THSD7A: variants seen among roughly 807,000 people sequenced by gnomAD.
THSD7A encodes the protein thrombospondin type 1 domain containing 7A.
In THSD7A, 96 loss-of-function variants were observed where a neutral mutation model predicts 231.3. The observed-to-expected ratio is 0.41, with a 90% CI of 0.35 to 0.49. The LOEUF (loss-of-function observed/expected upper bound fraction) is 0.49, where lower values mean the gene tolerates loss of function less well. THSD7A is among the 20% of genes least tolerant of loss of function. THSD7A has a pLI of 0.05. For synonymous variants in THSD7A, 940 were observed against 743.3 expected (o/e 1.26, Z -4.30); for missense variants, 2,290 against 2,070.2 (o/e 1.11, Z -2.06).
At chr7:11,521,121 TGTACTACACA>T (rs1443693824) in intron 6 of THSD7A, among the ~76,000 whole-genome samples, 1 of 152,194 alleles carries the variant, frequency 6.6e-6, no homozygotes, top group African/African-American at 2.4e-5. Context: ...TGATCATAAA[TGTACTACACA>T]GACATTTCAT....
At chr7:11,499,508 G>A (rs551799930) in intron 6 of THSD7A, among the ~76,000 whole-genome samples, 4 of 152,218 alleles carry the variant, frequency 2.6e-5, no homozygotes, top group African/African-American at 7.2e-5. Flanking sequence ...TTCATAATAC[G>A]GATAGGAACA....
At position 11,373,046 on chromosome 7, in the gene THSD7A, C is replaced by T. The variant is rs919772754; in HGVS notation, c.*2748G>A. 3.4e-5 allele frequency: 5 copies of T among 145,360 alleles called. No individual in the cohort carries two copies. Among genetic ancestry groups the T allele is most frequent in the African/African-American group, 1.3e-4 (5 of 38,546 alleles). The allele number at this position is 145,360 out of a possible 1,614,324, so 9.0% of individuals were successfully genotyped here. On this transcript the variant is annotated 3_prime_UTR_variant, in exon 28 of 28. Coordinates refer to ENST00000423059, the MANE Select transcript of THSD7A (RefSeq NM_015204.3). ...TCATGTTGAACCTAATTTCCTCTCTCTCATATATATGGGTGTGTGTGTGTG... is the reference window on the plus strand; with the variant it reads ...TCATGTTGAACCTAATTTCCTCTCTTTCATATATATGGGTGTGTGTGTGTG...
chr7:11,414,467 A>G (rs1474480855), intron 17 of THSD7A, among the ~76,000 whole-genome samples: 1 of 152,150 alleles, frequency 6.6e-6, no homozygotes, highest in East Asian at 1.9e-4. Context: ...CAAATTAGTT[A>G]CTGTTCCCTT....
intron 1 of THSD7A, among the ~76,000 whole-genome samples, chr7:11,673,186 C>A (rs963553534): frequency 3.3e-5 from 5 of 152,042 alleles, no homozygotes; most frequent in African/African-American, 1.2e-4. Context: ...GGCCCCTGCA[C>A]CCAGATTGGA....
chr7:11,534,883 A>T (rs1788850741), intron 6 of THSD7A, among the ~76,000 whole-genome samples: 1 of 152,178 alleles, frequency 6.6e-6, no homozygotes, highest in South Asian at 2.1e-4. Context: ...GTGTCATGTG[A>T]CTGTTGCCCC....
intron 4 of THSD7A, among the ~76,000 whole-genome samples, chr7:11,556,302 T>C (rs1458262288): frequency 6.7e-6 from 1 of 150,078 alleles, no homozygotes; most frequent in Non-Finnish European, 1.5e-5. Flanking sequence ...TATATGTGTA[T>C]ATATGTACAT....
At chr7:11,407,934 T>A (rs1004057000) in intron 19 of THSD7A, among the ~76,000 whole-genome samples, 1 of 152,154 alleles carries the variant, frequency 6.6e-6, no homozygotes, top group African/African-American at 2.4e-5. Flanking sequence ...ATCAGCTATC[T>A]TTTAAAAAAA....
At chr7:11,678,594 T>C (rs1386983743) in intron 1 of THSD7A, among the ~76,000 whole-genome samples, 1 of 152,160 alleles carries the variant, frequency 6.6e-6, no homozygotes, top group Non-Finnish European at 1.5e-5. Context: ...TTAGAAAATC[T>C]AGAAGACATG....
At chr7:11,698,138 G>A (rs1445169194) in intron 1 of THSD7A, among the ~76,000 whole-genome samples, 2 of 151,344 alleles carry the variant, frequency 1.3e-5, no homozygotes, top group Non-Finnish European at 3.0e-5. Context: ...TTTGTTGAAT[G>A]TATGTATGTA....
intron 4 of THSD7A, among the ~76,000 whole-genome samples, chr7:11,566,001 T>C (rs1790301496): frequency 1.3e-5 from 2 of 152,184 alleles, no homozygotes; most frequent in South Asian, 4.2e-4. Flanking sequence ...CTGCTAATAT[T>C]CACCCCACTC....
chr7:11,382,752 G>C (rs761817471), intron 23 of THSD7A, 136 bp from the exon 24 acceptor site: 4 of 743,982 alleles, frequency 5.4e-6, no homozygotes, highest in Non-Finnish European at 8.9e-6. Context: ...TTATTGTCCT[G>C]AAGTTGCCAT....
intron 3 of THSD7A, among the ~76,000 whole-genome samples, chr7:11,591,830 C>T (rs1459781437): frequency 6.6e-6 from 1 of 152,076 alleles, no homozygotes; most frequent in Non-Finnish European, 1.5e-5. Flanking sequence ...GTTAAGGGAG[C>T]TGCAATAATT....
chr7:11,673,696 C>T (rs980335214), intron 1 of THSD7A, among the ~76,000 whole-genome samples: 1 of 152,168 alleles, frequency 6.6e-6, no homozygotes, highest in South Asian at 2.1e-4. Context: ...GAGCAGGATG[C>T]TCCTTCCTTC....
At chr7:11,586,274 A>G (rs1339600519) in intron 4 of THSD7A, among the ~76,000 whole-genome samples, 2 of 152,238 alleles carry the variant, frequency 1.3e-5, no homozygotes, top group African/African-American at 4.8e-5. Flanking sequence ...TGTGATTTAC[A>G]TCTACATAAT....
intron 9 of THSD7A, among the ~76,000 whole-genome samples, chr7:11,466,618 T>A (rs1277337915): frequency 6.6e-6 from 1 of 152,108 alleles, no homozygotes; most frequent in Non-Finnish European, 1.5e-5. Context: ...GGTTTAGGGT[T>A]TCTGAAAACC....
At chr7:11,383,384 A>C (rs899547858) in intron 23 of THSD7A, among the ~76,000 whole-genome samples, 2 of 152,036 alleles carry the variant, frequency 1.3e-5, no homozygotes, top group African/African-American at 2.4e-5. Context: ...ATTATTTTTA[A>C]TTTTGTTATT....
rs370125876 is a variant in THSD7A at position 11,407,021 on chromosome 7, G to C, written c.3951C>G (p.Pro1317=). Residue 1317 remains proline, a synonymous_variant, in exon 21 of 28, where the codon CCC becomes CCG. Coordinates refer to ENST00000423059, the MANE Select transcript of THSD7A (RefSeq NM_015204.3). The part of the protein sequence containing the change: ...KMIRRRTVTQ[P]FQGDGRPCPS... Reference sequence around the variant, plus strand: ...GGCATGGTCTTCCATCACCTTGAAAGGGCTGGGTCACTGTTCGTCTTCGGA... The same window carrying C: ...GGCATGGTCTTCCATCACCTTGAAACGGCTGGGTCACTGTTCGTCTTCGGA... 2.5e-6 allele frequency: 4 copies of C among 1,613,742 alleles called. No homozygotes were observed. The highest frequency in any genetic ancestry group is 3.4e-6 in the Non-Finnish European group (4 of 1,179,864).
rs751200287 is a variant in THSD7A, at chr7:11,636,407, C to T, written c.745G>A (p.Glu249Lys). 6.4e-5 allele frequency: 104 copies of T among 1,613,604 alleles called. 1 individual carries two copies. Among genetic ancestry groups the T allele is most frequent in the Middle Eastern group, 4.9e-4 (3 of 6,084 alleles). ...ACATGCAGGCTGTACCTGAGCTCCT[C>T]GGCCTCGCATGGACTGGATTGGCAC... ...QVCQSSPCEA[E>K]ELRYSLHVGP... is the part of the protein sequence containing the mutation. Residue 249 changes from glutamate to lysine, a missense_variant, in exon 2 of 28, where the codon GAG (glutamate) becomes AAG (lysine). Glu to Lys is a moderately conservative substitution (Grantham distance 56, BLOSUM62 1). Coordinates refer to ENST00000423059, the MANE Select transcript of THSD7A (RefSeq NM_015204.3). This position sits in a 1 kb window ranked among gnomAD's most constrained non-coding sequence, Gnocchi z 10.0.
At chr7:11,410,219 C>A (rs1355250489) in intron 19 of THSD7A, among the ~76,000 whole-genome samples, 1 of 152,054 alleles carries the variant, frequency 6.6e-6, no homozygotes, top group East Asian at 1.9e-4. Context: ...GTTTTCAACA[C>A]ATGTGGGTGC....
Sources: allele counts gnomAD v4.1 joint callset (sites outside exome capture counted in the v4.1 genomes callset), GRCh38; gene constraint gnomAD v4.1.1; non-coding constraint Gnocchi (gnomAD v3.1); transcripts MANE v1.5; gene names NCBI Gene and HGNC (gene_info 2026-07-23, HGNC 2026-07-21).